Variants in DNAJC6 observed in about 807,000 individuals in gnomAD.
The protein encoded by DNAJC6 is auxilin.
DNAJC6 carries 34 observed loss-of-function variants against 110.0 expected under a neutral mutation model. The ratio of observed to expected loss-of-function variants is 0.31; its 90% CI spans 0.24 to 0.41. DNAJC6 has a LOEUF of 0.41. Among genes scored for constraint, DNAJC6 ranks in the 10% least tolerant of loss-of-function variants. The pLI, the probability that DNAJC6 is intolerant of heterozygous loss-of-function variation, is 1.00. For missense variants in DNAJC6, 1,031 were observed against 1,207.8 expected, an observed-to-expected ratio of 0.85 and a Z score of 2.17; for synonymous variants, 406 against 437.2, an observed-to-expected ratio of 0.93 and a Z score of 0.89.
At chr1:65,301,403 G>A (rs1484135015) in intron 1 of DNAJC6, among the ~76,000 whole-genome samples, 1 of 152,000 alleles carries the variant, frequency 6.6e-6, no homozygotes, top group Non-Finnish European at 1.5e-5. Flanking sequence ...TCTACCAGGA[G>A]ATAAGTGTCA....
chr1:65,395,113 C>A, intron 13 of DNAJC6, 81 bp downstream of exon 13: 2 of 1,380,878 alleles, frequency 1.4e-6, no homozygotes, highest in South Asian at 3.8e-5. Context: ...TAAAAGCACC[C>A]TGTGGGTGCT....
intron 1 of DNAJC6, among the ~76,000 whole-genome samples, chr1:65,324,855 T>A (rs1645228242): frequency 6.6e-6 from 1 of 152,128 alleles, no homozygotes; most frequent in Non-Finnish European, 1.5e-5. Context: ...CATGCTACAG[T>A]GTACAAAACA....
At chr1:65,375,714 C>A (rs1187208297) in intron 4 of DNAJC6, among the ~76,000 whole-genome samples, 1 of 152,224 alleles carries the variant, frequency 6.6e-6, no homozygotes, top group Non-Finnish European at 1.5e-5. Context: ...GCGTGAGCCA[C>A]CATGCCTGGC....
intron 1 of DNAJC6, among the ~76,000 whole-genome samples, chr1:65,290,635 T>C (rs1021496712): frequency 6.6e-6 from 1 of 152,240 alleles, no homozygotes; most frequent in Non-Finnish European, 1.5e-5. Flanking sequence ...TTGTTGTTGT[T>C]GTTTATTTTT....
intron 15 of DNAJC6, among the ~76,000 whole-genome samples, chr1:65,403,439 A>G (rs1375984410): frequency 6.6e-6 from 1 of 152,222 alleles, no homozygotes; most frequent in Non-Finnish European, 1.5e-5. Flanking sequence ...TCTACCCTTG[A>G]GCATTAATTC....
chr1:65,328,550 C>T (rs1238077047), intron 1 of DNAJC6, among the ~76,000 whole-genome samples: 3 of 152,144 alleles, frequency 2.0e-5, no homozygotes, highest in Non-Finnish European at 4.4e-5. Context: ...ATGTTAAGTT[C>T]CACACTATTT....
In DNAJC6 at chr1:65,408,777, A is replaced by C; in HGVS notation, c.2628A>C (p.Lys876Asn). The C allele has an allele frequency of 6.2e-7, 1 of 1,612,144 alleles. No individual in the cohort carries two copies. The highest frequency in any genetic ancestry group is 8.5e-7 in the Non-Finnish European group (1 of 1,179,500). Residue 876 changes from lysine (K) to asparagine (N), a missense_variant, in exon 17 of 19, where the codon AAA becomes AAC. Transcript: ENST00000371069. ...TGGCCAAGGAAATGGATCCTGAGAA[A>C]TTAAAGGTGAGTGAGGCCCCTGACG... ...EEMAKEMDPE[K>N]LKILEWIEGK...
chr1:65,307,000 CTCTCTCTCTCTCTCTCTCTATATA>C (rs1275974630), upstream of DNAJC6, among the ~76,000 whole-genome samples: 16 of 115,656 alleles, frequency 1.4e-4, no homozygotes, highest in African/African-American at 2.9e-4. Context: ...CTCTCTCTCT[CTCTCTCTCTCTCTCTCTCTATATA>C]TATATATATA....
intron 1 of DNAJC6, among the ~76,000 whole-genome samples, chr1:65,271,605 G>T (rs1653508026): frequency 6.6e-6 from 1 of 152,080 alleles, no homozygotes; most frequent in Admixed American, 6.6e-5. Flanking sequence ...GGTGGCTTAT[G>T]ACTGTAATCC....
intron 16 of DNAJC6, among the ~76,000 whole-genome samples, chr1:65,407,882 C>T (rs566704204): frequency 5.3e-5 from 8 of 152,298 alleles, no homozygotes; most frequent in East Asian, 1.9e-4. Flanking sequence ...TGATTTGAAT[C>T]GACTGTATGG....
intron 1 of DNAJC6, among the ~76,000 whole-genome samples, chr1:65,351,642 CTG>C (rs979801924): frequency 6.6e-6 from 1 of 152,166 alleles, no homozygotes; most frequent in South Asian, 2.1e-4. Context: ...GAGTTGTACT[CTG>C]TGTTTTCACC....
At chr1:65,323,677 C>A (rs952512698) in intron 1 of DNAJC6, among the ~76,000 whole-genome samples, 2 of 151,782 alleles carry the variant, frequency 1.3e-5, no homozygotes, top group Middle Eastern at 3.2e-3. Context: ...CCCCCTGCAA[C>A]CTTCACCTCC....
At chr1:65,323,241 A>G (rs2889160) in intron 1 of DNAJC6, among the ~76,000 whole-genome samples, 111,702 of 152,098 alleles carry the variant, frequency 0.73, 41,042 homozygotes, top group East Asian at 0.83. Flanking sequence ...TCCTCACTCA[A>G]ATCTCATCTC....
intron 1 of DNAJC6, among the ~76,000 whole-genome samples, chr1:65,324,339 G>A (rs1239281144): frequency 1.3e-5 from 2 of 151,674 alleles, no homozygotes; most frequent in Non-Finnish European, 2.9e-5. Context: ...ACTGTGCCTA[G>A]CTAAGTTTTT....
At chr1:65,319,567 T>A (rs531643666) in intron 1 of DNAJC6, among the ~76,000 whole-genome samples, 1 of 151,910 alleles carries the variant, frequency 6.6e-6, no homozygotes, top group African/African-American at 2.4e-5. Flanking sequence ...ATCAAACACC[T>A]GAGAAACTTG....
intron 1 of DNAJC6, among the ~76,000 whole-genome samples, chr1:65,344,387 TGAA>T (rs1171624128): frequency 6.6e-6 from 1 of 152,178 alleles, no homozygotes; most frequent in East Asian, 1.9e-4. Flanking sequence ...CCCTTGAGCA[TGAA>T]GAAGACAGGG....
rs529195494 is a variant in DNAJC6 at position 65,329,220 on chromosome 1, C to T, written c.193+19282C>T. Among the ~76,000 whole-genome samples, 41 of 152,222 alleles carry T rather than the reference C, an allele frequency of 2.7e-4. No individual in the cohort carries two copies. In the South Asian group the frequency reaches 3.9e-3, roughly 15 times the overall value. On this transcript the variant is annotated intron_variant, in intron 1 of 18. Transcript: ENST00000371069. The stretch of plus-strand genomic sequence containing the variant: ...TTGTTTATGTTGATTGTGCCCAATT[C>T]CAGCCTTCTACCTGCTGATGGTTCC...
chr1:65,387,552 G>A (rs1645884965), intron 8 of DNAJC6, among the ~76,000 whole-genome samples: 1 of 152,164 alleles, frequency 6.6e-6, no homozygotes, highest in South Asian at 2.1e-4. Flanking sequence ...CATACAATAT[G>A]TGGCCTTTTG....
intron 1 of DNAJC6, among the ~76,000 whole-genome samples, chr1:65,302,102 T>TA (rs1363683097): frequency 7.0e-5 from 2 of 28,702 alleles, no homozygotes; most frequent in African/African-American, 9.7e-4. Flanking sequence ...ATATATATAA[T>TA]ATATAATATA....
Sources: gnomAD v4.1 joint callset for allele counts (sites outside exome capture counted in the v4.1 genomes callset) on GRCh38, gnomAD v4.1.1 for gene constraint, MANE v1.5 for transcripts, NCBI Gene and HGNC (gene_info 2026-07-23, HGNC 2026-07-21) for gene names.